The following PTPRD variants were observed in gnomAD, a reference collection of about 807,000 sequenced individuals.
PTPRD encodes receptor-type tyrosine-protein phosphatase delta.
PTPRD carries 34 observed loss-of-function variants against 214.5 expected under a neutral mutation model. The observed-to-expected ratio is 0.16, with a 90% CI of 0.12 to 0.21. The LOEUF (loss-of-function observed/expected upper bound fraction) is 0.21. PTPRD is among the 10% of genes least tolerant of loss of function. The probability of loss-of-function intolerance (pLI) is 1.00; values close to 1 mark genes in which losing one functional copy is unlikely to be tolerated. For synonymous variants in PTPRD, 1,128 were observed against 845.7 expected (o/e 1.33, Z -5.79); for missense variants, 2,545 against 2,398.7 (o/e 1.06, Z -1.27).
chr9:8,434,578 C>A (rs10739163), intron 35 of PTPRD, among the ~76,000 whole-genome samples: 1 of 151,978 alleles, frequency 6.6e-6, no homozygotes, highest in Non-Finnish European at 1.5e-5. Context: ...TAACGGCTTA[C>A]TAACAGGTCG....
intron 4 of PTPRD, among the ~76,000 whole-genome samples, chr9:9,994,213 C>T (rs988868022): frequency 4.6e-5 from 7 of 152,170 alleles, no homozygotes; most frequent in Non-Finnish European, 7.4e-5. Context: ...TTTTATTACA[C>T]ACATTTTGAG....
intron 14 of PTPRD, among the ~76,000 whole-genome samples, chr9:8,554,470 T>A (rs1382976957): frequency 6.6e-6 from 1 of 152,194 alleles, no homozygotes; most frequent in African/African-American, 2.4e-5. Flanking sequence ...GTCAAGGAAC[T>A]TAAACTTGGA....
chr9:9,281,828 C>CAA (rs142471708), intron 9 of PTPRD, among the ~76,000 whole-genome samples: 35 of 145,792 alleles, frequency 2.4e-4, no homozygotes, highest in South Asian at 1.1e-3. Flanking sequence ...CTCATAATGG[C>CAA]AAAAAAAAAA....
At chr9:10,008,645 AT>A (rs2096537182) in intron 4 of PTPRD, among the ~76,000 whole-genome samples, 1 of 151,876 alleles carries the variant, frequency 6.6e-6, no homozygotes, top group Non-Finnish European at 1.5e-5. Context: ...ATCCTTCCTT[AT>A]TTCAAGTGTC....
At chr9:8,976,166 T>C (rs140896183) in intron 11 of PTPRD, among the ~76,000 whole-genome samples, 8 of 152,202 alleles carry the variant, frequency 5.3e-5, no homozygotes, top group Non-Finnish European at 1.0e-4. Flanking sequence ...ACCCTTGCTA[T>C]CTTTTGCCCT....
At chr9:9,903,666 C>A (rs2076915317) in intron 5 of PTPRD, among the ~76,000 whole-genome samples, 1 of 152,100 alleles carries the variant, frequency 6.6e-6, no homozygotes, top group Non-Finnish European at 1.5e-5. Context: ...TATGATTGAT[C>A]TCTGTGGACG....
chr9:9,985,708 A>C (rs1309264247), intron 4 of PTPRD, among the ~76,000 whole-genome samples: 1 of 152,048 alleles, frequency 6.6e-6, no homozygotes, highest in Non-Finnish European at 1.5e-5. Flanking sequence ...CACATGGCAT[A>C]AATATAAGTG....
At chr9:8,888,714 GGT>G (rs1232816970) in intron 11 of PTPRD, among the ~76,000 whole-genome samples, 1 of 152,154 alleles carries the variant, frequency 6.6e-6, no homozygotes, top group East Asian at 1.9e-4. Context: ...ATGAGCTAAT[GGT>G]GTGTGTGAAG....
chr9:10,517,435 C>T (rs184745696), intron 2 of PTPRD, among the ~76,000 whole-genome samples: 2 of 151,990 alleles, frequency 1.3e-5, no homozygotes, highest in Non-Finnish European at 2.9e-5. Flanking sequence ...AAATTTTACT[C>T]AATTTGTTTA....
chr9:9,105,220 C>T (rs1286391744), intron 10 of PTPRD, among the ~76,000 whole-genome samples: 1 of 152,168 alleles, frequency 6.6e-6, no homozygotes, highest in African/African-American at 2.4e-5. Context: ...GGTCATCCAG[C>T]TCTTGAGAGG....
intron 3 of PTPRD, among the ~76,000 whole-genome samples, chr9:10,310,603 G>C (rs940014953): frequency 6.6e-6 from 1 of 152,040 alleles, no homozygotes; most frequent in African/African-American, 2.4e-5. Context: ...AAAGGGAAAG[G>C]AATAATGGAA....
intron 11 of PTPRD, among the ~76,000 whole-genome samples, chr9:9,005,517 C>T (rs1409951505): frequency 6.6e-6 from 1 of 151,960 alleles, no homozygotes; most frequent in Non-Finnish European, 1.5e-5. Context: ...CCTGAATGAA[C>T]CACCCAACTT....
At chr9:9,500,099 C>G (rs566083115) in intron 8 of PTPRD, among the ~76,000 whole-genome samples, 2 of 152,028 alleles carry the variant, frequency 1.3e-5, no homozygotes, top group Non-Finnish European at 2.9e-5. Flanking sequence ...ACTTACTTTT[C>G]CTCCATTTCT....
intron 8 of PTPRD, among the ~76,000 whole-genome samples, chr9:9,573,605 A>T (rs2087309389): frequency 6.6e-6 from 1 of 151,774 alleles, no homozygotes; most frequent in Non-Finnish European, 1.5e-5. Flanking sequence ...TTATTTAAAA[A>T]GTTCATTCAG....
chr9:8,536,235 G>C (rs1161567864), intron 14 of PTPRD, among the ~76,000 whole-genome samples: 1 of 151,822 alleles, frequency 6.6e-6, no homozygotes. Flanking sequence ...ATGTAGTGAT[G>C]AAACTCTTAA....
chr9:8,328,325 T>C lies in PTPRD; in HGVS notation c.5534+3257A>G, dbSNP rs549393984. 5.7e-4 allele frequency among the ~76,000 whole-genome samples: 86 copies of C among 151,978 alleles called. No homozygotes were observed. The Middle Eastern group carries it at 0.01, about 18-fold the overall frequency. On this transcript the variant is annotated intron_variant, in intron 44 of 45. Transcript: ENST00000381196. ...ATTCTGGGTTGAAAAGTCTTTTCTTTAGGAATGTTGAATATTGGCCCCACT... is the reference window on the plus strand; with the variant it reads ...ATTCTGGGTTGAAAAGTCTTTTCTTCAGGAATGTTGAATATTGGCCCCACT...
At chr9:8,797,869 AT>A (rs35912143) in intron 11 of PTPRD, among the ~76,000 whole-genome samples, 18,329 of 146,938 alleles carry the variant, frequency 0.12, 1,269 homozygotes, top group East Asian at 0.36. Context: ...ATTTAACAGA[AT>A]TTTTTTTTTT....
intron 5 of PTPRD, among the ~76,000 whole-genome samples, chr9:9,918,310 G>A (rs2081508360): frequency 2.6e-5 from 2 of 76,296 alleles, no homozygotes; most frequent in Non-Finnish European, 5.6e-5. Context: ...ATAGCTACAA[G>A]AAACTTATAA....
chr9:9,693,255 C>T (rs559491714), intron 7 of PTPRD, among the ~76,000 whole-genome samples: 69 of 152,060 alleles, frequency 4.5e-4, no homozygotes, highest in Non-Finnish European at 8.1e-4. Flanking sequence ...TTGTAATCCC[C>T]TGTGTTTAGG....
Sources: allele counts gnomAD v4.1 joint callset (sites outside exome capture counted in the v4.1 genomes callset), GRCh38; gene constraint gnomAD v4.1.1; transcripts MANE v1.5; gene names NCBI Gene and HGNC (gene_info 2026-07-23, HGNC 2026-07-21).